GRIN2A: variants seen among roughly 807,000 people sequenced by gnomAD.
GRIN2A encodes the protein glutamate receptor ionotropic, NMDA 2A.
In GRIN2A, 22 loss-of-function variants were observed where a neutral mutation model predicts 113.4. The observed-to-expected ratio is 0.19, with a 90% CI of 0.14 to 0.28. GRIN2A has a LOEUF of 0.28. Ranked by LOEUF, GRIN2A falls within the 10% of genes least tolerant of loss-of-function variation. The pLI, the probability that GRIN2A is intolerant of heterozygous loss-of-function variation, is 1.00. For missense variants in GRIN2A, 1,502 were observed against 1,887.0 expected (o/e 0.80, Z 3.78); for synonymous variants, 827 against 738.4 (o/e 1.12, Z -1.94).
At chr16:9,910,733 T>C (rs984122441) in intron 3 of GRIN2A, among the ~76,000 whole-genome samples, 4 of 152,196 alleles carry the variant, frequency 2.6e-5, no homozygotes, top group Admixed American at 1.3e-4. Flanking sequence ...AAATGGAGTT[T>C]CACCATGTTG....
At chr16:9,836,107 A>G (rs943688692) in intron 7 of GRIN2A, among the ~76,000 whole-genome samples, 3 of 152,268 alleles carry the variant, frequency 2.0e-5, no homozygotes, top group Non-Finnish European at 4.4e-5. Flanking sequence ...TAGGAGATTT[A>G]TAAGTACTTC....
At chr16:9,779,907 G>A (rs948347923) in intron 11 of GRIN2A, among the ~76,000 whole-genome samples, 3 of 152,148 alleles carry the variant, frequency 2.0e-5, no homozygotes, top group Non-Finnish European at 4.4e-5. Context: ...GAAAGTAAGT[G>A]GGGCAGACTC....
At chr16:9,889,150 T>C (rs2141477110) in intron 4 of GRIN2A, among the ~76,000 whole-genome samples, 1 of 152,292 alleles carries the variant, frequency 6.6e-6, no homozygotes, top group Middle Eastern at 3.4e-3. Context: ...TCAGCAAATA[T>C]GAGCTATTCA....
intron 2 of GRIN2A, among the ~76,000 whole-genome samples, chr16:9,977,745 G>A (rs2045804905): frequency 6.6e-6 from 1 of 152,070 alleles, no homozygotes; most frequent in African/African-American, 2.4e-5. Context: ...ACTCACATGT[G>A]CACACACACA....
At chr16:9,791,412 T>A (rs998555375) in intron 11 of GRIN2A, among the ~76,000 whole-genome samples, 4 of 152,180 alleles carry the variant, frequency 2.6e-5, no homozygotes, top group African/African-American at 9.7e-5. Flanking sequence ...GGGAAAAATA[T>A]TCAGGGGTAA....
At chr16:10,072,903 T>C (rs1340596183) in intron 2 of GRIN2A, among the ~76,000 whole-genome samples, 1 of 150,322 alleles carries the variant, frequency 6.7e-6, no homozygotes, top group African/African-American at 2.5e-5. Flanking sequence ...AAAAATGTGC[T>C]CAGAGGCAGA....
At chr16:10,072,799 G>A (rs1263299204) in intron 2 of GRIN2A, among the ~76,000 whole-genome samples, 1 of 147,114 alleles carries the variant, frequency 6.8e-6, no homozygotes, top group African/African-American at 2.6e-5. Flanking sequence ...AGTTATCTGG[G>A]TGATTGTCTG....
intron 12 of GRIN2A, among the ~76,000 whole-genome samples, chr16:9,766,010 C>A (rs996229529): frequency 4.6e-5 from 7 of 152,132 alleles, no homozygotes; most frequent in African/African-American, 1.7e-4. Flanking sequence ...GCCCTTGATT[C>A]CTACCACAAT....
intron 2 of GRIN2A, among the ~76,000 whole-genome samples, chr16:10,046,873 C>G (rs186685602): frequency 3.3e-5 from 5 of 152,308 alleles, no homozygotes; most frequent in African/African-American, 1.2e-4. Context: ...CTTCAGCTAA[C>G]GTTTATTAAG....
At chr16:10,172,519 GAGTGAAGTGAAGTGA>G (rs750066465) in intron 2 of GRIN2A, among the ~76,000 whole-genome samples, 1 of 152,210 alleles carries the variant, frequency 6.6e-6, no homozygotes. Flanking sequence ...TAACATAAAT[GAGTGAAGTGAAGTGA>G]AGTGAAGTGA....
intron 10 of GRIN2A, among the ~76,000 whole-genome samples, chr16:9,801,493 C>T (rs1903358969): frequency 6.6e-6 from 1 of 152,214 alleles, no homozygotes; most frequent in Admixed American, 6.5e-5. Flanking sequence ...TACACACGTA[C>T]CTAGCAACCA....
chr16:9,953,384 G>A (rs755457792), intron 2 of GRIN2A, among the ~76,000 whole-genome samples: 1 of 152,176 alleles, frequency 6.6e-6, no homozygotes, highest in Non-Finnish European at 1.5e-5. Flanking sequence ...TAGCCACTCT[G>A]TAAATGTTTT....
chr16:10,044,007 G>GTATATATATATATATATA (rs368522556), intron 2 of GRIN2A, among the ~76,000 whole-genome samples: 4 of 116,922 alleles, frequency 3.4e-5, no homozygotes, highest in African/African-American at 1.0e-4. Context: ...GTGTGTGTGT[G>GTATATATATATATATATA]TATATATATA....
chr16:10,044,884 A>G (rs2047232110), intron 2 of GRIN2A, among the ~76,000 whole-genome samples: 1 of 152,124 alleles, frequency 6.6e-6, no homozygotes, highest in Non-Finnish European at 1.5e-5. Flanking sequence ...GAGCATTCAA[A>G]TATTTGTAGA....
chr16:9,950,631 T>C (rs1450602502), intron 2 of GRIN2A, among the ~76,000 whole-genome samples: 3 of 152,196 alleles, frequency 2.0e-5, no homozygotes, highest in Non-Finnish European at 4.4e-5. Flanking sequence ...AGGACAGCTA[T>C]AATTGCTTTG....
In GRIN2A at chr16:9,762,320, C is replaced by G; in HGVS notation, c.*829G>C. 1 of 226,580 alleles carries G rather than the reference C, an allele frequency of 4.4e-6. No individual in the cohort carries two copies. The highest frequency in any genetic ancestry group is 8.8e-6 in the Non-Finnish European group (1 of 113,666). The allele number at this position is 226,580 out of a possible 1,614,324, so 14.0% of individuals were successfully genotyped here. On this transcript the variant is annotated 3_prime_UTR_variant, in exon 13 of 13. Transcript: ENST00000330684. ...GGATAAACTACAATGGCCACTGTGT[C>G]ACAGACAGAAGATCCACACTTAGAT... is the stretch of plus-strand genomic sequence containing the variant.
chr16:9,977,952 T>C (rs2045808751), intron 2 of GRIN2A, among the ~76,000 whole-genome samples: 1 of 152,158 alleles, frequency 6.6e-6, no homozygotes, highest in African/African-American at 2.4e-5. Flanking sequence ...AAAAAGATCT[T>C]GGGCAAGAAC....
At chr16:10,083,290 T>C (rs2048019100) in intron 2 of GRIN2A, among the ~76,000 whole-genome samples, 1 of 152,182 alleles carries the variant, frequency 6.6e-6, no homozygotes, top group Non-Finnish European at 1.5e-5. Flanking sequence ...AACCGCAGAC[T>C]CCACGAGTGC....
intron 2 of GRIN2A, among the ~76,000 whole-genome samples, chr16:10,077,498 C>G (rs1383127210): frequency 1.3e-5 from 2 of 152,210 alleles, no homozygotes; most frequent in South Asian, 2.1e-4. Flanking sequence ...CATGCCACCT[C>G]TCACCTGGAT....
Sources: allele counts gnomAD v4.1 joint callset (sites outside exome capture counted in the v4.1 genomes callset), GRCh38; gene constraint gnomAD v4.1.1; transcripts MANE v1.5; gene names NCBI Gene and HGNC (gene_info 2026-07-23, HGNC 2026-07-21).